UNC79: variants seen among roughly 807,000 people sequenced by gnomAD.
UNC79 encodes the protein unc-79 subunit of NALCN channel complex, also known as protein unc-79 homolog.
In UNC79, 37 loss-of-function variants were observed where a neutral mutation model predicts 283.1. The observed-to-expected ratio is 0.13, with a 90% CI of 0.10 to 0.17. UNC79 has a LOEUF of 0.17. Ranked by LOEUF, UNC79 falls within the 10% of genes least tolerant of loss-of-function variation. UNC79 has a pLI of 1.00. For missense variants in UNC79, 2,272 were observed against 3,211.1 expected (o/e 0.71, Z 7.07); for synonymous variants, 1,107 against 1,200.2 (o/e 0.92, Z 1.61).
chr14:93,438,318 A>G lies in UNC79; in HGVS notation c.22+7267A>G, dbSNP rs2056166858. Among the ~76,000 whole-genome samples, 4 of 152,178 alleles carry G rather than the reference A, an allele frequency of 2.6e-5. No homozygotes were observed. In the South Asian group the frequency reaches 8.3e-4, roughly 32 times the overall value. On this transcript the variant is annotated intron_variant, in intron 1 of 48. Coordinates refer to ENST00000555664, the Ensembl canonical transcript of UNC79. Reference sequence around the variant, plus strand: ...ATCAACTTGTCTATTCACTTATTCAACCAATATTTATTGGGTGTCTACTAT... The same window carrying G: ...ATCAACTTGTCTATTCACTTATTCAGCCAATATTTATTGGGTGTCTACTAT...
chr14:93,633,443 A>T (rs533683177), intron 31 of UNC79, among the ~76,000 whole-genome samples: 1 of 152,334 alleles, frequency 6.6e-6, no homozygotes, highest in Admixed American at 6.5e-5. Context: ...CATGATTGTG[A>T]AATGTGTGTA....
At position 93,447,237 on chromosome 14, in the gene UNC79, A is replaced by G. The variant is rs181389145; in HGVS notation, c.22+16186A>G. Among the ~76,000 whole-genome samples the G allele has an allele frequency of 2.7e-4, 41 of 152,078 alleles. 1 individual carries two copies. In the East Asian group the frequency reaches 7.7e-3, roughly 29 times the overall value. ...TTTATCTGGCTTATGTTTCCCATTCATTTCCTTTCACCCTTTAAAGTTTTC... is the reference window on the plus strand; with the variant it reads ...TTTATCTGGCTTATGTTTCCCATTCGTTTCCTTTCACCCTTTAAAGTTTTC... On this transcript the variant is annotated intron_variant, in intron 1 of 48. Transcript: ENST00000555664.
At chr14:93,597,392 A>G in exon 24 of UNC79, 4 of 1,613,996 alleles carry the variant, frequency 2.5e-6, no homozygotes, top group Non-Finnish European at 3.4e-6. Context: ...AGATTTCTGG[A>G]TATTCACTCA....
At chr14:93,467,086 T>C (rs953151510) in intron 1 of UNC79, among the ~76,000 whole-genome samples, 1 of 152,262 alleles carries the variant, frequency 6.6e-6, no homozygotes, top group Non-Finnish European at 1.5e-5. Context: ...ACACTCATCA[T>C]GTTAATCTAC....
At chr14:93,666,933 G>A (rs779902197) in intron 40 of UNC79, among the ~76,000 whole-genome samples, 2 of 152,042 alleles carry the variant, frequency 1.3e-5, no homozygotes, top group Non-Finnish European at 2.9e-5. Flanking sequence ...ACAAGACCCT[G>A]TCTCTACAGA....
At chr14:93,669,015 A>ACT (rs1435880075) in intron 40 of UNC79, among the ~76,000 whole-genome samples, 1 of 151,234 alleles carries the variant, frequency 6.6e-6, no homozygotes, top group Non-Finnish European at 1.5e-5. Context: ...ATATGCAAGA[A>ACT]CTTTATGGAG....
intron 1 of UNC79, among the ~76,000 whole-genome samples, chr14:93,357,854 G>GATATGTATATATATGGATATATGGAT (rs2054136509): frequency 4.2e-5 from 2 of 47,304 alleles, no homozygotes; most frequent in Admixed American, 3.4e-4. Context: ...TGGATATATG[G>GATATGTATATATATGGATATATGGAT]ATATATATAT....
intron 31 of UNC79, among the ~76,000 whole-genome samples, chr14:93,632,926 G>A (rs138192604): frequency 2.3e-3 from 353 of 152,006 alleles, no homozygotes; most frequent in African/African-American, 8.3e-3. Flanking sequence ...ATAGCTCTTG[G>A]TGGTGTGTTC....
At chr14:93,373,584 A>G (rs1422101225) in intron 1 of UNC79, among the ~76,000 whole-genome samples, 3 of 152,240 alleles carry the variant, frequency 2.0e-5, no homozygotes, top group Admixed American at 1.3e-4. Flanking sequence ...ATAGGCTGAT[A>G]TGTATCAAAG....
intron 7 of UNC79, among the ~76,000 whole-genome samples, chr14:93,522,220 A>G (rs1020431987): frequency 6.6e-6 from 1 of 152,124 alleles, no homozygotes; most frequent in Non-Finnish European, 1.5e-5. Context: ...TACCTGTGCC[A>G]TAGCAGTTGT....
intron 4 of UNC79, among the ~76,000 whole-genome samples, chr14:93,480,728 T>C (rs976488971): frequency 6.6e-6 from 1 of 152,176 alleles, no homozygotes; most frequent in African/African-American, 2.4e-5. Context: ...TGTGTGTCCG[T>C]GTGTCGTATT....
At chr14:93,418,292 C>G (rs1028262318) in intron 1 of UNC79, among the ~76,000 whole-genome samples, 4 of 151,708 alleles carry the variant, frequency 2.6e-5, no homozygotes, top group African/African-American at 7.2e-5. Context: ...CACTCCAGAC[C>G]CTGTTTGCCT....
intron 11 of UNC79, among the ~76,000 whole-genome samples, chr14:93,537,258 C>T (rs1049009364): frequency 6.6e-6 from 1 of 152,208 alleles, no homozygotes; most frequent in South Asian, 2.1e-4. Flanking sequence ...CAGTACCACC[C>T]CTGAACTTGG....
chr14:93,452,779 G>A (rs1206879668), intron 1 of UNC79, among the ~76,000 whole-genome samples: 1 of 152,176 alleles, frequency 6.6e-6, no homozygotes, highest in Non-Finnish European at 1.5e-5. Context: ...TCATAGAATT[G>A]TTGTGAGGCT....
At position 93,432,309 on chromosome 14, in the gene UNC79, C is replaced by A. The variant is rs143026905; in HGVS notation, c.22+1258C>A. On this transcript the variant is annotated intron_variant, in intron 1 of 48. Coordinates refer to ENST00000555664, the Ensembl canonical transcript of UNC79. ...CACCTACCACCCAGTGCTTTTACTT[C>A]TTTATGTTTTTTTGGAATCCGGAAG... Among the ~76,000 whole-genome samples the A allele has an allele frequency of 2.7e-3, 406 of 152,168 alleles. 1 individual carries two copies. The highest frequency in any genetic ancestry group is 9.2e-3 in the African/African-American group (384 of 41,552).
chr14:93,486,590 G>T (rs1467188688), intron 4 of UNC79, among the ~76,000 whole-genome samples: 5 of 147,904 alleles, frequency 3.4e-5, no homozygotes, highest in African/African-American at 1.3e-4. Context: ...GGGGTTGGAG[G>T]TTGCAGTGAG....
intron 1 of UNC79, among the ~76,000 whole-genome samples, chr14:93,383,133 C>T (rs779051560): frequency 5.9e-5 from 9 of 152,170 alleles, no homozygotes; most frequent in Admixed American, 2.0e-4. Flanking sequence ...GAGGAATTAA[C>T]TTTCATATAC....
At chr14:93,386,907 T>C (rs1325168580) in intron 1 of UNC79, among the ~76,000 whole-genome samples, 1 of 150,626 alleles carries the variant, frequency 6.6e-6, no homozygotes, top group Non-Finnish European at 1.5e-5. Flanking sequence ...TTTCATTCAT[T>C]TCAATTTCAT....
At chr14:93,692,052 A>G in intron 46 of UNC79, 106 bp downstream of exon 49, 2 of 1,321,744 alleles carry the variant, frequency 1.5e-6, no homozygotes, top group Non-Finnish European at 2.1e-6. Context: ...GTAAGGTTAT[A>G]TAAATGGATC....
Sources: allele counts gnomAD v4.1 joint callset (sites outside exome capture counted in the v4.1 genomes callset), GRCh38; gene constraint gnomAD v4.1.1; transcripts MANE v1.5; gene names NCBI Gene and HGNC (gene_info 2026-07-23, HGNC 2026-07-21).